Variants in DLC1 observed in about 807,000 individuals in gnomAD.
DLC1 encodes DLC1 Rho GTPase activating protein, also known as rho GTPase-activating protein 7.
In DLC1, 54 loss-of-function variants were observed where a neutral mutation model predicts 140.3. That is an observed-to-expected ratio of 0.38 (90% confidence interval 0.31 to 0.48). The LOEUF is 0.48. DLC1 is among the 20% of genes least tolerant of loss of function. The pLI, the probability that DLC1 is intolerant of heterozygous loss-of-function variation, is 0.96. For synonymous variants in DLC1, 986 were observed against 728.1 expected (o/e 1.35, Z -5.70); for missense variants, 2,536 against 1,907.0 (o/e 1.33, Z -6.14).
intron 1 of DLC1, among the ~76,000 whole-genome samples, chr8:13,522,206 T>G (rs1437233931): frequency 6.6e-6 from 1 of 152,128 alleles, no homozygotes; most frequent in Non-Finnish European, 1.5e-5. Context: ...GGCAGAGATT[T>G]AACCAGAAAA....
At chr8:13,589,157 A>C (rs1805430237) in intron 1 of DLC1, among the ~76,000 whole-genome samples, 1 of 152,096 alleles carries the variant, frequency 6.6e-6, no homozygotes, top group South Asian at 2.1e-4. Context: ...GCTATCCTTC[A>C]TCTGTCCAAA....
chr8:13,258,058 C>T (rs1408239148), intron 5 of DLC1, among the ~76,000 whole-genome samples: 2 of 152,204 alleles, frequency 1.3e-5, no homozygotes, highest in Non-Finnish European at 2.9e-5. Flanking sequence ...TACTTAAACA[C>T]AGCAAGTTTC....
At chr8:13,248,088 C>A (rs554189218) in intron 5 of DLC1, among the ~76,000 whole-genome samples, 2 of 152,300 alleles carry the variant, frequency 1.3e-5, no homozygotes, top group Admixed American at 6.5e-5. Flanking sequence ...TAGTCTCAGT[C>A]CTCAGTGTGC....
chr8:13,239,917 A>G (rs182652622), intron 5 of DLC1, among the ~76,000 whole-genome samples: 169 of 152,252 alleles, frequency 1.1e-3, no homozygotes, highest in South Asian at 7.7e-3. Context: ...AGGAGCTTGC[A>G]TTTCTGTAAT....
At chr8:13,169,223 A>C (rs1375897835) in intron 5 of DLC1, among the ~76,000 whole-genome samples, 1 of 152,186 alleles carries the variant, frequency 6.6e-6, no homozygotes, top group African/African-American at 2.4e-5. Context: ...AGATGAATCA[A>C]CTATGTTCAG....
rs144373696 is a variant in DLC1, at chr8:13,211,842, T to C, written c.1348+93427A>G. 6.4e-3 allele frequency among the ~76,000 whole-genome samples: 975 copies of C among 151,954 alleles called. 14 individuals are homozygous for C. Among genetic ancestry groups the C allele is most frequent in the African/African-American group, 0.022 (900 of 41,432 alleles). The stretch of plus-strand genomic sequence containing the variant: ...AACAAACCCCCAAATTGAGGAAGAG[T>C]AGAGGCTTTTTTGGAAACATACATG... On this transcript the variant is annotated intron_variant, in intron 5 of 17. Transcript: ENST00000276297.
intron 1 of DLC1, chr8:13,567,039 A>G (rs1804461824): frequency 6.4e-7 from 1 of 1,551,472 alleles, no homozygotes; most frequent in Non-Finnish European, 8.7e-7. Context: ...GTGCTCTTGC[A>G]AACCTTTCTG....
intron 1 of DLC1, among the ~76,000 whole-genome samples, chr8:13,576,200 T>C (rs900906007): frequency 1.3e-5 from 2 of 152,184 alleles, no homozygotes; most frequent in African/African-American, 4.8e-5. Context: ...ACATAAAGTG[T>C]AATAACCCGC....
At chr8:13,219,036 G>A (rs1312673924) in intron 5 of DLC1, among the ~76,000 whole-genome samples, 3 of 24,568 alleles carry the variant, frequency 1.2e-4, no homozygotes, top group African/African-American at 1.2e-3. Context: ...ATAATTATGT[G>A]AATATAATTA....
intron 4 of DLC1, among the ~76,000 whole-genome samples, chr8:13,358,850 A>G (rs1238797083): frequency 4.6e-5 from 7 of 152,232 alleles, no homozygotes; most frequent in Non-Finnish European, 7.3e-5. Flanking sequence ...AGACTATGTT[A>G]CATAGCATGT....
intron 5 of DLC1, among the ~76,000 whole-genome samples, chr8:13,144,516 A>G (rs1015496576): frequency 6.6e-6 from 1 of 152,216 alleles, no homozygotes; most frequent in African/African-American, 2.4e-5. Flanking sequence ...CTGTAATATC[A>G]GCACTTTGGG....
At chr8:13,396,946 C>A (rs78827417) in intron 3 of DLC1, among the ~76,000 whole-genome samples, 3,405 of 152,146 alleles carry the variant, frequency 0.022, 69 homozygotes, top group South Asian at 0.074. Flanking sequence ...ACCCGCCCCC[C>A]CCAACCCAAC....
chr8:13,333,829 G>A (rs982387357), intron 4 of DLC1, among the ~76,000 whole-genome samples: 6 of 152,110 alleles, frequency 3.9e-5, no homozygotes, highest in Non-Finnish European at 8.8e-5. Context: ...TCACAATAGA[G>A]TAGACAGCTT....
At chr8:13,126,745 T>G (rs1461431367) in intron 5 of DLC1, among the ~76,000 whole-genome samples, 1 of 152,234 alleles carries the variant, frequency 6.6e-6, no homozygotes. Context: ...CTTTTACATA[T>G]GTTAGCAAAG....
intron 5 of DLC1, among the ~76,000 whole-genome samples, chr8:13,204,600 T>A (rs1449274711): frequency 6.6e-6 from 1 of 152,182 alleles, no homozygotes; most frequent in Non-Finnish European, 1.5e-5. Context: ...AGTAAAATAT[T>A]TTATTGAGCT....
At position 13,488,727 on chromosome 8, in the gene DLC1, C is replaced by T. The variant is rs181436937; in HGVS notation, c.1023+10322G>A. Reference sequence around the variant, plus strand: ...ATGTTGAAACCTAATTAAGATATAACTTTACTTGTAGTTCAAAACTTACCG... The same window carrying T: ...ATGTTGAAACCTAATTAAGATATAATTTTACTTGTAGTTCAAAACTTACCG... On this transcript the variant is annotated intron_variant, in intron 2 of 17. Coordinates refer to ENST00000276297, the MANE Select transcript of DLC1 (RefSeq NM_182643.3). Among the ~76,000 whole-genome samples, 81 of 152,300 alleles carry T rather than the reference C, an allele frequency of 5.3e-4. 1 individual carries two copies. Among genetic ancestry groups the T allele is most frequent in the Admixed American group, 3.5e-3 (53 of 15,294 alleles).
intron 1 of DLC1, among the ~76,000 whole-genome samples, chr8:13,506,619 A>T (rs1395517591): frequency 6.7e-6 from 1 of 149,190 alleles, no homozygotes; most frequent in Non-Finnish European, 1.5e-5. Context: ...ACACATATAT[A>T]TACACACAGA....
intron 2 of DLC1, among the ~76,000 whole-genome samples, chr8:13,417,781 G>T (rs559024505): frequency 6.6e-6 from 1 of 151,984 alleles, no homozygotes; most frequent in Non-Finnish European, 1.5e-5. Context: ...CTGAGGAATC[G>T]CCACACTGAC....
In DLC1 at chr8:13,579,349, ATATATATATATATTTTTATAT is replaced by A. The variant is rs1563453997; in HGVS notation, c.-126+25167_-126+25187del. On this transcript the variant is annotated intron_variant, in intron 1 of 1. Transcript: ENST00000631382. Reference sequence around the variant, plus strand: ...TATATATATATATATATATATATATATATATATATATATTTTTATATAATACATATTTATATATTATATATT... The same window carrying A: ...TATATATATATATATATATATATATAAATACATATTTATATATTATATATT... Among the ~76,000 whole-genome samples, 58 of 52,158 alleles carry A rather than the reference ATATATATATATATTTTTATAT, an allele frequency of 1.1e-3. 11 individuals carry two copies. Among genetic ancestry groups the A allele is most frequent in the African/African-American group, 5.7e-3 (52 of 9,092 alleles). The allele number at this position is 52,158 out of a possible 152,430, so 34.2% of individuals were successfully genotyped here. A position where few individuals can be genotyped will look rare whatever the true frequency, so the allele number is the denominator to read the frequency against.
Sources: gnomAD v4.1 joint callset for allele counts (sites outside exome capture counted in the v4.1 genomes callset) on GRCh38, gnomAD v4.1.1 for gene constraint, MANE v1.5 for transcripts, NCBI Gene and HGNC (gene_info 2026-07-23, HGNC 2026-07-21) for gene names.